Variants in SIPA1L2 observed in about 807,000 individuals in gnomAD.
SIPA1L2 encodes the protein signal-induced proliferation-associated 1-like protein 2.
A neutral mutation model predicts 163.9 loss-of-function variants in SIPA1L2; 56 were observed. The observed-to-expected ratio is 0.34, with a 90% CI of 0.28 to 0.43. SIPA1L2 has a LOEUF of 0.43. Ranked by LOEUF, SIPA1L2 falls within the 20% of genes least tolerant of loss-of-function variation. SIPA1L2 has a pLI of 1.00. For synonymous variants in SIPA1L2, 877 were observed against 865.7 expected (o/e 1.01, Z -0.23); for missense variants, 1,974 against 2,193.5 (o/e 0.90, Z 2.00).
At position 232,445,668 on chromosome 1, in the gene SIPA1L2, G is replaced by A; in HGVS notation, c.3214C>T (p.Pro1072Ser). The change falls in exon 11 of 23, where the codon CCT becomes TCT. Residue 1072 changes from proline to serine, a missense_variant. Physicochemically the swap from Pro to Ser is moderately conservative, Grantham distance 74. Coordinates refer to ENST00000674635, the MANE Select transcript of SIPA1L2 (RefSeq NM_020808.5). ...GCTCTAGAGAGGGGCTGCAGGGCAG[G>A]AGTGGGCACCCGGTGCCACGTGGTG... is the stretch of plus-strand genomic sequence containing the variant. ...RNTTWHRVPT[P>S]ALQPLSRASP... is the part of the protein sequence containing the mutation. 6.2e-7 allele frequency: 1 copy of A among 1,613,620 alleles called. No homozygotes were observed. The highest frequency in any genetic ancestry group is 8.5e-7 in the Non-Finnish European group (1 of 1,179,750).
At chr1:232,452,744 C>T (rs957042146) in intron 10 of SIPA1L2, among the ~76,000 whole-genome samples, 75 of 152,182 alleles carry the variant, frequency 4.9e-4, no homozygotes, top group Admixed American at 2.0e-4. Context: ...AGATACCAAA[C>T]TATCTCCATT....
intron 15 of SIPA1L2, among the ~76,000 whole-genome samples, chr1:232,433,976 G>T (rs1477990285): frequency 6.6e-6 from 1 of 152,172 alleles, no homozygotes; most frequent in Non-Finnish European, 1.5e-5. Context: ...AAGATAATCT[G>T]AGTTAATATT....
intron 4 of SIPA1L2, 56 bp from the exon 5 acceptor site, chr1:232,491,118 C>A: frequency 6.7e-7 from 1 of 1,488,922 alleles, no homozygotes. Context: ...TACCTACTCA[C>A]AGCCTAACTG....
intron 10 of SIPA1L2, among the ~76,000 whole-genome samples, chr1:232,454,631 C>T (rs914589273): frequency 5.9e-5 from 9 of 152,302 alleles, no homozygotes; most frequent in African/African-American, 1.7e-4. Context: ...ATGGTAGCCA[C>T]GGTGTAACCT....
At chr1:232,591,337 T>G (rs1339200332) in intron 1 of SIPA1L2, among the ~76,000 whole-genome samples, 1 of 152,232 alleles carries the variant, frequency 6.6e-6, no homozygotes, top group African/African-American at 2.4e-5. Flanking sequence ...GTACTGACAT[T>G]TCCATATTGG....
chr1:232,418,389 G>T (rs112806910), intron 18 of SIPA1L2, among the ~76,000 whole-genome samples: 1 of 152,194 alleles, frequency 6.6e-6, no homozygotes, highest in Non-Finnish European at 1.5e-5. Flanking sequence ...GTGGTTTCCT[G>T]ACAGTCTTGA....
chr1:232,405,736 T>C (rs1290957375), intron 19 of SIPA1L2, among the ~76,000 whole-genome samples: 1 of 152,360 alleles, frequency 6.6e-6, no homozygotes. Context: ...TCTAACTCTT[T>C]AGGAGTTTCA....
At chr1:232,410,773 G>C (rs1660906537) in intron 19 of SIPA1L2, among the ~76,000 whole-genome samples, 1 of 151,970 alleles carries the variant, frequency 6.6e-6, no homozygotes, top group Admixed American at 6.6e-5. Context: ...TTCCTATATA[G>C]CTACTTGACG....
chr1:232,508,122 G>A (rs75862698), intron 3 of SIPA1L2, among the ~76,000 whole-genome samples: 46 of 152,254 alleles, frequency 3.0e-4, no homozygotes, highest in Middle Eastern at 6.8e-3. Context: ...TACATTCAGA[G>A]GAACACGCGC....
intron 2 of SIPA1L2, among the ~76,000 whole-genome samples, chr1:232,554,630 T>C (rs1010065263): frequency 6.6e-6 from 1 of 152,238 alleles, no homozygotes; most frequent in Admixed American, 6.5e-5. Flanking sequence ...GCAATATTTA[T>C]GTTATGCACA....
In SIPA1L2 at chr1:232,439,402, T is replaced by C. The variant is rs1310720585; in HGVS notation, c.3737A>G (p.Asp1246Gly). 6.2e-7 allele frequency: 1 copy of C among 1,614,186 alleles called. No individual in the cohort carries two copies. Among genetic ancestry groups the C allele is most frequent in the Non-Finnish European group, 8.5e-7 (1 of 1,180,028 alleles). The change falls in exon 15 of 23, where the codon GAC becomes GGC. Residue 1246 changes from aspartate (D) to glycine (G), a missense_variant. Physicochemically the swap from Asp to Gly is moderately conservative, Grantham distance 94. Around this residue, in one of 3 missense-constraint regions of SIPA1L2, gnomAD observed 1,079 missense variants for 1,150.7 expected, o/e 0.94. Transcript: ENST00000674635. ...CCCCAGTAATTCGGGGTCCATCAGG[T>C]CGCCAGACCCAAAGTGCTTGTCGTC... ...NSDDKHFGSG[D>G]LMDPELLGLT...
At position 232,404,170 on chromosome 1, in the gene SIPA1L2, A is replaced by G; in HGVS notation, c.4771T>C (p.Ser1591Pro). The change falls in exon 20 of 23, where the codon TCA becomes CCA. Residue 1591 changes from serine (S) to proline (P), a missense_variant. Ser to Pro is a moderately conservative substitution (Grantham distance 74, BLOSUM62 -1). Around this residue, in one of 3 missense-constraint regions of SIPA1L2, gnomAD observed 1,079 missense variants for 1,150.7 expected, o/e 0.94. Transcript: ENST00000674635. ...DAARAFEGLD[S>P]DEELGLLCHH... ...CAGAGCAGCCCCAGTTCTTCATCTG[A>G]GTCAAGACCTGAAATAAGATTTAGA... 1 of 1,614,110 alleles carries G rather than the reference A, an allele frequency of 6.2e-7. No homozygotes were observed. The highest frequency in any genetic ancestry group is 2.2e-5 in the East Asian group (1 of 44,880).
intron 1 of SIPA1L2, among the ~76,000 whole-genome samples, chr1:232,603,132 C>T (rs1441259914): frequency 5.9e-5 from 9 of 152,184 alleles, no homozygotes; most frequent in Non-Finnish European, 1.2e-4. Context: ...CTTCGTCTAA[C>T]TGGGCGTCCT....
intron 2 of SIPA1L2, among the ~76,000 whole-genome samples, chr1:232,562,925 G>A (rs563182376): frequency 2.6e-5 from 4 of 152,296 alleles, no homozygotes; most frequent in Admixed American, 1.3e-4. Context: ...AAGCTGTGTC[G>A]AGAGAACCCA....
chr1:232,625,053 C>G (rs1248565792), intron 1 of SIPA1L2, among the ~76,000 whole-genome samples: 2 of 152,178 alleles, frequency 1.3e-5, no homozygotes, highest in Non-Finnish European at 2.9e-5. Flanking sequence ...GTGCTCGTTA[C>G]TAGGGACACA....
rs370572881 is a variant in SIPA1L2 at position 232,514,155 on chromosome 1, G to A, written c.1185C>T (p.Ala395=). Residue 395 remains alanine, a synonymous_variant, in exon 3 of 23, where the codon GCC becomes GCT. Coordinates refer to ENST00000674635, the MANE Select transcript of SIPA1L2 (RefSeq NM_020808.5). ...EDLNSKENLD[A]DEGDGKSNDL... is the part of the protein sequence containing the mutation. ...CGTTACTTTTCCCATCACCCTCATC[G>A]GCATCCAGGTTCTCTTTGGAGTTGA... 2.5e-5 allele frequency: 41 copies of A among 1,614,036 alleles called. No individual in the cohort carries two copies. The highest frequency in any genetic ancestry group is 4.0e-5 in the African/African-American group (3 of 74,896).
rs535230491 is a variant in SIPA1L2 at position 232,398,132 on chromosome 1, C to G, written c.*995G>C. 1.3e-5 allele frequency: 2 copies of G among 152,762 alleles called. No homozygotes were observed. Among genetic ancestry groups the G allele is most frequent in the African/African-American group, 4.8e-5 (2 of 41,578 alleles). The allele number at this position is 152,762 out of a possible 1,614,324, so 9.5% of individuals were successfully genotyped here. A position where few individuals can be genotyped will look rare whatever the true frequency, so the allele number is the denominator to read the frequency against. On this transcript the variant is annotated 3_prime_UTR_variant, in exon 23 of 23. Coordinates refer to ENST00000674635, the MANE Select transcript of SIPA1L2 (RefSeq NM_020808.5). The stretch of plus-strand genomic sequence containing the variant: ...TCGGTCTGATCTGTGCAAGCTCAGT[C>G]TCTTCTGAGCCTGCAGCTACCTCCA...
intron 1 of SIPA1L2, among the ~76,000 whole-genome samples, chr1:232,592,246 T>A (rs2102830501): frequency 6.6e-6 from 1 of 152,306 alleles, no homozygotes; most frequent in South Asian, 2.1e-4. Flanking sequence ...ACCGTCAGAA[T>A]TAAAATGGGA....
At chr1:232,446,045 C>T (rs1248907187) in intron 10 of SIPA1L2, among the ~76,000 whole-genome samples, 1 of 152,156 alleles carries the variant, frequency 6.6e-6, no homozygotes, top group African/African-American at 2.4e-5. Context: ...TTCCTGGCTG[C>T]CGTGCAGCCA....
Sources: allele counts gnomAD v4.1 joint callset (sites outside exome capture counted in the v4.1 genomes callset), GRCh38; gene constraint gnomAD v4.1.1; regional missense constraint gnomAD v4.1.1; transcripts MANE v1.5; gene names NCBI Gene and HGNC (gene_info 2026-07-23, HGNC 2026-07-21).